Variants in CREB1 observed in about 807,000 individuals in gnomAD.
CREB1 encodes the protein cAMP responsive element binding protein 1, also known as cyclic AMP-responsive element-binding protein 1.
In CREB1, 2 loss-of-function variants were observed where a neutral mutation model predicts 42.0. The ratio of observed to expected loss-of-function variants is 0.05; its 90% confidence interval spans 0.02 to 0.15. The LOEUF is 0.15. Among genes scored for constraint, CREB1 ranks in the 10% least tolerant of loss-of-function variants. The pLI is 1.00. For synonymous variants in CREB1, 123 were observed against 139.9 expected, an observed-to-expected ratio of 0.88 and a Z score of 0.85; for missense variants, 199 against 388.9, an observed-to-expected ratio of 0.51 and a Z score of 4.11.
intron 6 of CREB1, among the ~76,000 whole-genome samples, chr2:207,575,944 C>CCCT (rs2082567173): frequency 1.6e-5 from 1 of 63,478 alleles, no homozygotes; most frequent in East Asian, 1.8e-3. Flanking sequence ...TCCCCCCCCC[C>CCCT]CCCCAAAAGA....
chr2:207,588,488 T>A (rs1287746582), intron 7 of CREB1, among the ~76,000 whole-genome samples: 2 of 152,186 alleles, frequency 1.3e-5, no homozygotes, highest in South Asian at 4.1e-4. Context: ...TTCTTAAAAT[T>A]GTTTGGCTAT....
intron 4 of CREB1, 39 bp downstream of exon 4, chr2:207,567,602 A>G (rs1302219828): frequency 7.1e-7 from 1 of 1,399,244 alleles, no homozygotes; most frequent in South Asian, 1.2e-5. Context: ...ATGTGGAGGA[A>G]GTCTTAGGTA....
chr2:207,599,303 T>C lies in CREB1; in HGVS notation c.*2245T>C, dbSNP rs1010145530. 1 of 207,632 alleles carries C rather than the reference T, an allele frequency of 4.8e-6. No homozygotes were observed. Among genetic ancestry groups the C allele is most frequent in the African/African-American group, 2.3e-5 (1 of 43,954 alleles). 12.9% of individuals were successfully genotyped at this position (207,632 alleles called of 1,614,324 possible). On this transcript the variant is annotated 3_prime_UTR_variant, in exon 8 of 8. Coordinates refer to ENST00000353267, the MANE Select transcript of CREB1 (RefSeq NM_004379.5). Reference sequence around the variant, plus strand: ...CAGAAATCAAGCAAAGTCACAAATATGTTCACAAGTTGGAATTATTTATTG... The same window carrying C: ...CAGAAATCAAGCAAAGTCACAAATACGTTCACAAGTTGGAATTATTTATTG...
intron 1 of CREB1, among the ~76,000 whole-genome samples, chr2:207,548,871 AAAC>A (rs1320751941): frequency 6.6e-6 from 1 of 152,216 alleles, no homozygotes; most frequent in Admixed American, 6.5e-5. Context: ...TTATAAAAGT[AAAC>A]AAATTTTCAA....
intron 5 of CREB1, among the ~76,000 whole-genome samples, chr2:207,573,926 T>C (rs940617639): frequency 2.0e-5 from 3 of 152,372 alleles, no homozygotes; most frequent in Admixed American, 2.0e-4. Context: ...GATTTGTTTC[T>C]GTTAACCTTC....
chr2:207,585,954 CAAAAT>C lies in CREB1; in HGVS notation c.839+8302_839+8306del, dbSNP rs147930746. 1.6e-3 allele frequency among the ~76,000 whole-genome samples: 242 copies of C among 152,160 alleles called. 1 individual carries two copies. The highest frequency in any genetic ancestry group is 5.7e-3 in the African/African-American group (236 of 41,516). On this transcript the variant is annotated intron_variant, in intron 7 of 7. Transcript: ENST00000353267. ...GAAAAGGCATAGAAAACCTATTTAA[CAAAAT>C]AATCACTGAAGACCTCCCATGTCTT... is the stretch of plus-strand genomic sequence containing the variant.
chr2:207,543,314 G>A (rs1235967355), intron 1 of CREB1, among the ~76,000 whole-genome samples: 1 of 152,124 alleles, frequency 6.6e-6, no homozygotes, highest in East Asian at 1.9e-4. Flanking sequence ...TATGATCCAA[G>A]AATTTGTTAT....
In CREB1 at chr2:207,597,885, T is replaced by C; in HGVS notation, c.*827T>C. The C allele has an allele frequency of 5.3e-6, 1 of 189,146 alleles. No homozygotes were observed. Among genetic ancestry groups the C allele is most frequent in the Non-Finnish European group, 1.1e-5 (1 of 89,936 alleles). The allele number at this position is 189,146 out of a possible 1,614,324, so 11.7% of individuals were successfully genotyped here. A position where few individuals can be genotyped will look rare whatever the true frequency, so the allele number is the denominator to read the frequency against. ...TAGTACTAAATTCTTAGTAAAATGC[T>C]GATCAGTAAACCAATCCCTTGAGTT... On this transcript the variant is annotated 3_prime_UTR_variant, in exon 8 of 8. Coordinates refer to ENST00000353267, the MANE Select transcript of CREB1 (RefSeq NM_004379.5).
chr2:207,587,633 AT>A (rs2084129590), intron 7 of CREB1, among the ~76,000 whole-genome samples: 1 of 152,212 alleles, frequency 6.6e-6, no homozygotes, highest in Non-Finnish European at 1.5e-5. Flanking sequence ...AAAATACATC[AT>A]TTGTGGCCAT....
At position 207,576,866 on chromosome 2, in the gene CREB1, A is replaced by G. The variant is rs979856843; in HGVS notation, c.689-639A>G. 9 of 949,278 alleles carry G rather than the reference A, an allele frequency of 9.5e-6. No homozygotes were observed. In the African/African-American group the frequency reaches 1.6e-4, roughly 17 times the overall value. The allele number at this position is 949,278 out of a possible 1,614,324, so 58.8% of individuals were successfully genotyped here. On this transcript the variant is annotated intron_variant, in intron 6 of 7. Transcript: ENST00000353267. ...TTTAGAAGCAGTTTGACAAATAGTG[A>G]TTGTGTTTGTTTTTACAAATGGTGA...
rs1247302899 is a variant in CREB1, at chr2:207,603,794, A to G, written c.*6736A>G. On this transcript the variant is annotated 3_prime_UTR_variant, in exon 8 of 8. Coordinates refer to ENST00000353267, the MANE Select transcript of CREB1 (RefSeq NM_004379.5). The stretch of plus-strand genomic sequence containing the variant: ...CTTGCAATTCTAAAACTCTGTGATC[A>G]TATAAATTGGAAGGAAAGGGGAGGG... 6.6e-6 allele frequency among the ~76,000 whole-genome samples: 1 copy of G among 152,200 alleles called. No homozygotes were observed. The highest frequency in any genetic ancestry group is 1.5e-5 in the Non-Finnish European group (1 of 68,042).
intron 7 of CREB1, 77 bp downstream of exon 7, chr2:207,577,732 C>G (rs748212108): frequency 6.5e-7 from 1 of 1,534,986 alleles, no homozygotes; most frequent in Non-Finnish European, 8.9e-7. Flanking sequence ...ATCTTTACAT[C>G]TACTGGTAAT....
At chr2:207,549,188 G>C (rs2081406473) in intron 1 of CREB1, among the ~76,000 whole-genome samples, 1 of 152,206 alleles carries the variant, frequency 6.6e-6, no homozygotes, top group Non-Finnish European at 1.5e-5. Context: ...GTTGATCTAT[G>C]TTGAGGAGTG....
In CREB1 at chr2:207,597,314, CCCT is replaced by C. The variant is rs2086339436; in HGVS notation, c.*261_*263del. The C allele has an allele frequency of 5.2e-6, 2 of 382,940 alleles. No individual in the cohort carries two copies. Among genetic ancestry groups the C allele is most frequent in the South Asian group, 1.2e-4 (2 of 17,236 alleles). 23.7% of individuals were successfully genotyped at this position (382,940 alleles called of 1,614,324 possible). ...AGAGACTTCTGCTTTTCAACCCCCA[CCCT>C]CCTCAAGAAGTAATAATTTGTTTAC... On this transcript the variant is annotated 3_prime_UTR_variant, in exon 8 of 8. Coordinates refer to ENST00000353267, the MANE Select transcript of CREB1 (RefSeq NM_004379.5).
intron 1 of CREB1, among the ~76,000 whole-genome samples, chr2:207,543,167 C>G (rs1394153845): frequency 6.6e-6 from 1 of 152,108 alleles, no homozygotes; most frequent in East Asian, 1.9e-4. Context: ...CTTATGGGTT[C>G]AGCATAGGAG....
chr2:207,546,571 A>T (rs191761899), intron 1 of CREB1, among the ~76,000 whole-genome samples: 1 of 152,100 alleles, frequency 6.6e-6, no homozygotes, highest in Non-Finnish European at 1.5e-5. Context: ...TACTAAAAAT[A>T]AAAAAATTAG....
intron 5 of CREB1, among the ~76,000 whole-genome samples, chr2:207,573,890 C>T (rs2082470498): frequency 6.6e-6 from 1 of 152,252 alleles, no homozygotes; most frequent in South Asian, 2.1e-4. Flanking sequence ...GTAGGATTCA[C>T]TCATTAACTC....
At chr2:207,578,072 G>A (rs1052611509) in intron 7 of CREB1, 7 of 166,396 alleles carry the variant, frequency 4.2e-5, no homozygotes, top group African/African-American at 1.4e-4. Context: ...TAAATGTATG[G>A]TGGCCAGTTC....
intron 1 of CREB1, among the ~76,000 whole-genome samples, chr2:207,530,635 A>C (rs1574730690): frequency 6.7e-6 from 1 of 149,768 alleles, no homozygotes; most frequent in East Asian, 2.0e-4. Context: ...CCTCCGGGGC[A>C]GCCGCCGCCT....
Sources: allele counts gnomAD v4.1 joint callset (sites outside exome capture counted in the v4.1 genomes callset), GRCh38; gene constraint gnomAD v4.1.1; transcripts MANE v1.5; gene names NCBI Gene and HGNC (gene_info 2026-07-23, HGNC 2026-07-21).